Variants in COL11A1 observed in about 807,000 individuals in gnomAD.
COL11A1 encodes the protein collagen alpha-1(XI) chain.
A neutral mutation model predicts 265.2 loss-of-function variants in COL11A1; 74 were observed. That is an observed-to-expected ratio of 0.28 (90% CI 0.23 to 0.34). COL11A1 has a LOEUF of 0.34. COL11A1 is among the 10% of genes least tolerant of loss of function. COL11A1 has a pLI of 1.00. For synonymous variants in COL11A1, 816 were observed against 727.6 expected, an observed-to-expected ratio of 1.12 and a Z score of -1.96; for missense variants, 2,165 against 2,263.6, an observed-to-expected ratio of 0.96 and a Z score of 0.88.
chr1:102,987,696 T>C lies in COL11A1; in HGVS notation c.2439A>G (p.Glu813=). 6.2e-7 allele frequency: 1 copy of C among 1,613,646 alleles called. No individual in the cohort carries two copies. The highest frequency in any genetic ancestry group is 8.5e-7 in the Non-Finnish European group (1 of 1,179,750). The change falls in exon 30 of 67, where the codon GAA becomes GAG. Residue 813 remains glutamate (E), a synonymous_variant. Coordinates refer to ENST00000370096, the MANE Select transcript of COL11A1 (RefSeq NM_001854.4). ...QIGPRGEDGP[E]GPKGRAGPTG... is the part of the protein sequence containing the mutation. The stretch of plus-strand genomic sequence containing the variant: ...TTGGGCCTGCTCGACCTTTGGGTCC[T>C]TCAGGGCCATCTTCCCCTCTTGGGC...
chr1:103,062,719 C>G (rs905072533), intron 4 of COL11A1, among the ~76,000 whole-genome samples: 3 of 151,954 alleles, frequency 2.0e-5, no homozygotes, highest in Non-Finnish European at 4.4e-5. Context: ...GTTAATATTG[C>G]ATTTCTACAT....
intron 1 of COL11A1, chr1:103,100,361 A>C (rs1674151109): frequency 6.6e-6 from 1 of 151,922 alleles, no homozygotes; most frequent in Non-Finnish European, 1.5e-5. Flanking sequence ...AACTTTGAAT[A>C]CTAACAGATA....
intron 1 of COL11A1, among the ~76,000 whole-genome samples, chr1:103,092,955 GGATC>G (rs1390680131): frequency 6.6e-6 from 1 of 151,660 alleles, no homozygotes; most frequent in African/African-American, 2.4e-5. Flanking sequence ...TCCAGCATAA[GGATC>G]ATTGTTCCAA....
intron 1 of COL11A1, among the ~76,000 whole-genome samples, chr1:103,095,360 T>A (rs1278692460): frequency 6.6e-6 from 1 of 151,818 alleles, no homozygotes; most frequent in African/African-American, 2.4e-5. Context: ...TGATTAGTAC[T>A]AAGGAAAAAA....
At chr1:103,107,781 C>T (rs1674824169) in intron 1 of COL11A1, among the ~76,000 whole-genome samples, 1 of 152,012 alleles carries the variant, frequency 6.6e-6, no homozygotes, top group Non-Finnish European at 1.5e-5. Context: ...TATTTTTCCT[C>T]TTTTCAAAGA....
chr1:102,918,426 AC>A (rs980835973), intron 49 of COL11A1, among the ~76,000 whole-genome samples: 2 of 151,970 alleles, frequency 1.3e-5, no homozygotes, highest in Non-Finnish European at 2.9e-5. Context: ...ATGCAATGTG[AC>A]TAAAAGATAC....
At chr1:103,100,631 TG>T (rs1224521542) in intron 1 of COL11A1, 2 of 151,980 alleles carry the variant, frequency 1.3e-5, no homozygotes, top group African/African-American at 4.8e-5. Context: ...GTATTTTCTG[TG>T]GTTTAGCTGC....
At chr1:103,095,391 G>A (rs940226103) in intron 1 of COL11A1, among the ~76,000 whole-genome samples, 2 of 151,916 alleles carry the variant, frequency 1.3e-5, no homozygotes, top group Non-Finnish European at 2.9e-5. Flanking sequence ...AAAGATTATA[G>A]GGAGGGTTGC....
At chr1:103,058,013 G>A (rs1463395616) in intron 4 of COL11A1, among the ~76,000 whole-genome samples, 1 of 152,120 alleles carries the variant, frequency 6.6e-6, no homozygotes, top group African/African-American at 2.4e-5. Flanking sequence ...TGTTCTCTAG[G>A]AACATCTTAG....
chr1:102,897,103 T>G (rs1251457724), intron 57 of COL11A1, among the ~76,000 whole-genome samples: 1 of 152,036 alleles, frequency 6.6e-6, no homozygotes, highest in Non-Finnish European at 1.5e-5. Context: ...CAGTGAAAGT[T>G]TAAATAATCT....
chr1:103,044,184 A>G (rs36011373), intron 4 of COL11A1, among the ~76,000 whole-genome samples: 11,726 of 150,252 alleles, frequency 0.078, 508 homozygotes, highest in Middle Eastern at 0.15. Flanking sequence ...TTTTTCAAAC[A>G]CCCCATACAG....
chr1:103,006,780 G>A (rs1453315049), intron 15 of COL11A1, among the ~76,000 whole-genome samples: 1 of 151,860 alleles, frequency 6.6e-6, no homozygotes, highest in African/African-American at 2.4e-5. Flanking sequence ...CACCCATCTC[G>A]GCCTCCCAAA....
At chr1:102,878,475 C>CATATATATATATATATATAT (rs57574729) in intron 66 of COL11A1, among the ~76,000 whole-genome samples, 1,597 of 49,270 alleles carry the variant, frequency 0.032, 85 homozygotes, top group Non-Finnish European at 0.04. Context: ...ATTGAATCCT[C>CATATATATATATATATATAT]ATATATATAT....
intron 36 of COL11A1, among the ~76,000 whole-genome samples, chr1:102,972,384 C>G (rs1467246262): frequency 6.6e-6 from 1 of 151,974 alleles, no homozygotes; most frequent in African/African-American, 2.4e-5. Flanking sequence ...AAATAGCGAT[C>G]TTAGGTCTAA....
intron 53 of COL11A1, among the ~76,000 whole-genome samples, chr1:102,912,881 C>T (rs576071455): frequency 4.5e-4 from 69 of 152,308 alleles, no homozygotes; most frequent in African/African-American, 1.5e-3. Flanking sequence ...ATGCTTGCTT[C>T]GCCTTCCACC....
Position 103,083,016 on chromosome 1 carries a change from T to C in COL11A1, c.107-44A>G, listed in dbSNP as rs773083350. ...ATAAAAAACCAGAATTGAACAACGA[T>C]CTGATATAACAATGAGTATTTTTAA... On this transcript the variant is annotated intron_variant, in intron 1 of 66. Transcript: ENST00000370096. The C allele has an allele frequency of 1.0e-5, 16 of 1,572,850 alleles. No homozygotes were observed. The South Asian group carries it at 1.7e-4, about 16-fold the overall frequency.
chr1:102,980,438 A>C (rs1414857483), intron 31 of COL11A1, among the ~76,000 whole-genome samples: 1 of 152,122 alleles, frequency 6.6e-6, no homozygotes, highest in East Asian at 1.9e-4. Context: ...TAAAATAGAG[A>C]AGATTAGTGT....
rs1651467028 is a variant in COL11A1 at position 102,889,477 on chromosome 1, G to C, written c.4442C>G (p.Ser1481Cys). 1 of 1,612,734 alleles carries C rather than the reference G, an allele frequency of 6.2e-7. No homozygotes were observed. The highest frequency in any genetic ancestry group is 1.3e-5 in the African/African-American group (1 of 74,648). ...CACCCCATCCCCTTTTGCTCCTGGA[G>C]ATCCTTGAGTTCCAGGGAGCCCTCG... is the stretch of plus-strand genomic sequence containing the variant. Reference protein sequence around the residue: ...GDRGLPGTQGSPGAKGDGGIP... With the variant: ...GDRGLPGTQGCPGAKGDGGIP... The change falls in exon 59 of 67, where the codon TCT (serine) becomes TGT (cysteine). Residue 1481 changes from serine to cysteine, a missense_variant. Transcript: ENST00000370096.
intron 37 of COL11A1, among the ~76,000 whole-genome samples, chr1:102,967,223 A>C (rs1042769953): frequency 4.6e-5 from 3 of 64,814 alleles, no homozygotes; most frequent in Admixed American, 4.0e-4. Context: ...AAACATAATA[A>C]ATTCTTTTTT....
Sources: allele counts gnomAD v4.1 joint callset (sites outside exome capture counted in the v4.1 genomes callset), GRCh38; gene constraint gnomAD v4.1.1; transcripts MANE v1.5; gene names NCBI Gene and HGNC (gene_info 2026-07-23, HGNC 2026-07-21).